Variants in LHFPL6 observed in about 807,000 individuals in gnomAD.
LHFPL6 encodes the protein LHFPL tetraspan subfamily member 6, also known as LHFPL tetraspan subfamily member 6 protein.
Under a neutral mutation model 20.6 loss-of-function variants are expected in LHFPL6, and 9 were observed. The observed-to-expected ratio is 0.44, with a 90% CI of 0.26 to 0.76. LHFPL6 has a LOEUF of 0.76. LHFPL6 is among the 30% of genes least tolerant of loss of function. LHFPL6 has a pLI of 0.20. For synonymous variants in LHFPL6, 105 were observed against 98.7 expected (o/e 1.06, Z -0.38); for missense variants, 218 against 253.5 (o/e 0.86, Z 0.95).
intron 2 of LHFPL6, among the ~76,000 whole-genome samples, chr13:39,562,555 CACAT>C (rs1566142138): frequency 1.2e-5 from 1 of 84,190 alleles, no homozygotes. Context: ...TACATATATA[CACAT>C]ACATATACAC....
At chr13:39,380,673 A>G (rs1300621596) in intron 2 of LHFPL6, among the ~76,000 whole-genome samples, 2 of 151,934 alleles carry the variant, frequency 1.3e-5, no homozygotes, top group Non-Finnish European at 2.9e-5. Flanking sequence ...TTGTATTTTT[A>G]GTAGAGATGG....
intron 2 of LHFPL6, among the ~76,000 whole-genome samples, chr13:39,446,048 T>A (rs1399513891): frequency 6.6e-6 from 1 of 152,194 alleles, no homozygotes. Context: ...GTATGCCAAG[T>A]CTTCTTTAAG....
rs1259359312 is a variant in LHFPL6 at position 39,352,891 on chromosome 13, ATGTG to A, written c.485-8841_485-8838del. Among the ~76,000 whole-genome samples the A allele has an allele frequency of 2.0e-4, 12 of 58,714 alleles. 1 individual carries two copies. The highest frequency in any genetic ancestry group is 4.2e-4 in the Admixed American group (2 of 4,804). The allele number at this position is 58,714 out of a possible 152,430, so 38.5% of individuals were successfully genotyped here. A position where few individuals can be genotyped will look rare whatever the true frequency, so the allele number is the denominator to read the frequency against. On this transcript the variant is annotated intron_variant, in intron 3 of 3. Transcript: ENST00000379589. ...TATATATATATATAAATGTATATATATGTGTATATATATATAAATGTATATATAT... is the reference window on the plus strand; with the variant it reads ...TATATATATATATAAATGTATATATATATATATATATAAATGTATATATAT...
chr13:39,364,575 G>A (rs988863841), intron 3 of LHFPL6, among the ~76,000 whole-genome samples: 7 of 152,222 alleles, frequency 4.6e-5, no homozygotes, highest in South Asian at 2.1e-4. Flanking sequence ...CGAGTGGAGC[G>A]GCTTCTGAAT....
rs773074522 is a variant in LHFPL6, at chr13:39,601,159, C to A, written c.58G>T (p.Ala20Ser). 3.7e-6 allele frequency: 6 copies of A among 1,614,048 alleles called. No individual in the cohort carries two copies. Among genetic ancestry groups the A allele is most frequent in the South Asian group, 1.1e-5 (1 of 91,068 alleles). Residue 20 changes from alanine to serine, a missense_variant, in exon 2 of 4, where the codon GCT (alanine) becomes TCT (serine). Ala to Ser is a moderately conservative substitution (Grantham distance 99). Transcript: ENST00000379589. ...AAGAACCCCACGCAGGAGGTGGCAGCACAAAGAAAAGACAGCAAAGCCCAG... is the reference window on the plus strand; with the variant it reads ...AAGAACCCCACGCAGGAGGTGGCAGAACAAAGAAAAGACAGCAAAGCCCAG... ...VIWALLSFLC[A>S]ATSCVGFFMP...
rs139683956 is a variant in LHFPL6 at position 39,569,849 on chromosome 13, G to C, written c.385+30983C>G. Among the ~76,000 whole-genome samples the C allele has an allele frequency of 5.1e-3, 772 of 152,278 alleles. 5 individuals carry two copies. The highest frequency in any genetic ancestry group is 0.014 in the Admixed American group (211 of 15,288). ...TGAGCAGGAGGCACAAGCTCATTTG[G>C]AAAATTATGAAAATGCTAACAATTC... On this transcript the variant is annotated intron_variant, in intron 2 of 3. Transcript: ENST00000379589.
chr13:39,563,066 A>G (rs1001564079), intron 2 of LHFPL6, among the ~76,000 whole-genome samples: 3 of 148,940 alleles, frequency 2.0e-5, no homozygotes, highest in African/African-American at 4.9e-5. Context: ...TAAATGAGTC[A>G]TAAAGGTCAT....
chr13:39,541,830 C>G (rs1870809375), intron 2 of LHFPL6, among the ~76,000 whole-genome samples: 1 of 150,870 alleles, frequency 6.6e-6, no homozygotes, highest in Non-Finnish European at 1.5e-5. Context: ...TGGCTCACGC[C>G]TGTAATCCCA....
At chr13:39,495,501 T>C (rs2138458068) in intron 2 of LHFPL6, among the ~76,000 whole-genome samples, 1 of 152,300 alleles carries the variant, frequency 6.6e-6, no homozygotes, top group East Asian at 1.9e-4. Flanking sequence ...AAAGAAATCA[T>C]GCCCATTTTA....
At chr13:39,582,603 G>T (rs913504552) in intron 2 of LHFPL6, among the ~76,000 whole-genome samples, 3 of 152,158 alleles carry the variant, frequency 2.0e-5, no homozygotes, top group Admixed American at 6.6e-5. Flanking sequence ...GCCCTTTTGT[G>T]GGGGTGTGGT....
chr13:39,429,273 C>A (rs1423421166), intron 2 of LHFPL6, among the ~76,000 whole-genome samples: 1 of 151,658 alleles, frequency 6.6e-6, no homozygotes, highest in African/African-American at 2.4e-5. Context: ...TTTTTCCTTG[C>A]AGTTTTATTA....
chr13:39,507,318 G>A (rs1869520599), intron 2 of LHFPL6, among the ~76,000 whole-genome samples: 1 of 152,170 alleles, frequency 6.6e-6, no homozygotes. Flanking sequence ...GAGGGAAGCT[G>A]CAGTGCATTT....
intron 2 of LHFPL6, among the ~76,000 whole-genome samples, chr13:39,580,299 C>T (rs921088172): frequency 1.3e-5 from 2 of 151,844 alleles, no homozygotes; most frequent in African/African-American, 4.8e-5. Context: ...AAAAACTTGT[C>T]CAGACACTGA....
chr13:39,544,632 C>T (rs560424945), intron 2 of LHFPL6, among the ~76,000 whole-genome samples: 3 of 152,164 alleles, frequency 2.0e-5, no homozygotes, highest in African/African-American at 7.2e-5. Flanking sequence ...TCTCAGACTA[C>T]ATTGAATGGG....
intron 2 of LHFPL6, among the ~76,000 whole-genome samples, chr13:39,470,766 GA>G (rs889260052): frequency 6.6e-6 from 1 of 152,034 alleles, no homozygotes; most frequent in Non-Finnish European, 1.5e-5. Context: ...GAATTTGAGT[GA>G]AAAAAACCCC....
intron 2 of LHFPL6, among the ~76,000 whole-genome samples, chr13:39,460,014 A>G (rs1872653342): frequency 6.6e-6 from 1 of 152,176 alleles, no homozygotes. Context: ...AAAAAAAGAT[A>G]TATGTCTTTG....
At chr13:39,358,101 A>T (rs368074816) in intron 3 of LHFPL6, among the ~76,000 whole-genome samples, 1 of 152,148 alleles carries the variant, frequency 6.6e-6, no homozygotes. Flanking sequence ...CAATCCTAAG[A>T]AAAAAGAATA....
chr13:39,492,155 T>C (rs1868947006), intron 2 of LHFPL6, among the ~76,000 whole-genome samples: 1 of 152,198 alleles, frequency 6.6e-6, no homozygotes, highest in Non-Finnish European at 1.5e-5. Flanking sequence ...GAGTACATTG[T>C]GAATATGAAG....
In LHFPL6 at chr13:39,423,164, C is replaced by G. The variant is rs116711209; in HGVS notation, c.386-44638G>C. Among the ~76,000 whole-genome samples, 695 of 152,298 alleles carry G rather than the reference C, an allele frequency of 4.6e-3. 7 individuals carry two copies. Among genetic ancestry groups the G allele is most frequent in the African/African-American group, 0.016 (668 of 41,568 alleles). On this transcript the variant is annotated intron_variant, in intron 2 of 3. Transcript: ENST00000379589. ...ACCAAGAATCAAAGAAAGGATGCTA[C>G]TTGTGTATAATTCTCAACAAATCTC...
Sources: gnomAD v4.1 joint callset for allele counts (sites outside exome capture counted in the v4.1 genomes callset) on GRCh38, gnomAD v4.1.1 for gene constraint, MANE v1.5 for transcripts, NCBI Gene and HGNC (gene_info 2026-07-23, HGNC 2026-07-21) for gene names.